The following AUH variants were observed in gnomAD, a reference collection of about 807,000 sequenced individuals.
AUH encodes the protein AU RNA binding methylglutaconyl-CoA hydratase, also known as methylglutaconyl-CoA hydratase, mitochondrial.
In AUH, 29 loss-of-function variants were observed where a neutral mutation model predicts 42.3. The ratio of observed to expected loss-of-function variants is 0.69; its 90% CI spans 0.51 to 0.93. The LOEUF (loss-of-function observed/expected upper bound fraction) is 0.93. Ranked by LOEUF, AUH falls within the 40% of genes least tolerant of loss-of-function variation. The probability of loss-of-function intolerance (pLI) is 0.00; values close to 1 mark genes in which losing one functional copy is unlikely to be tolerated. For missense variants in AUH, 452 were observed against 438.1 expected (o/e 1.03, Z -0.28); for synonymous variants, 174 against 166.4 (o/e 1.05, Z -0.35).
At chr9:91,248,704 A>T (rs972390899) in intron 6 of AUH, among the ~76,000 whole-genome samples, 22 of 152,196 alleles carry the variant, frequency 1.4e-4, no homozygotes, top group African/African-American at 5.1e-4. Flanking sequence ...TGGTTCCTGG[A>T]AACTGGGACT....
chr9:91,358,347 C>T (rs1016267302), intron 1 of AUH, among the ~76,000 whole-genome samples: 2 of 152,160 alleles, frequency 1.3e-5, no homozygotes, highest in Non-Finnish European at 2.9e-5. Flanking sequence ...GTTGATACAA[C>T]GTCCAAGGGC....
chr9:91,235,969 G>A (rs1026052414), intron 6 of AUH, among the ~76,000 whole-genome samples: 1 of 152,186 alleles, frequency 6.6e-6, no homozygotes, highest in Non-Finnish European at 1.5e-5. Context: ...CAATCCTGAA[G>A]ACGCCTTACT....
intron 6 of AUH, among the ~76,000 whole-genome samples, chr9:91,234,226 T>G (rs1430020497): frequency 2.6e-5 from 4 of 152,160 alleles, no homozygotes; most frequent in African/African-American, 9.7e-5. Flanking sequence ...CAGAGCTGCC[T>G]CCTCTGCCCT....
intron 6 of AUH, among the ~76,000 whole-genome samples, chr9:91,292,598 T>C (rs1827002230): frequency 6.6e-6 from 1 of 151,860 alleles, no homozygotes; most frequent in African/African-American, 2.4e-5. Context: ...CTTCTTCCAC[T>C]TGGGGTTTCA....
chr9:91,304,328 A>G (rs1183789786), intron 4 of AUH, among the ~76,000 whole-genome samples: 1 of 152,216 alleles, frequency 6.6e-6, no homozygotes, highest in African/African-American at 2.4e-5. Flanking sequence ...TACTAGGAAA[A>G]AAAGAGAAAA....
chr9:91,295,499 T>C (rs1024203030), intron 6 of AUH, among the ~76,000 whole-genome samples: 1 of 152,154 alleles, frequency 6.6e-6, no homozygotes, highest in Non-Finnish European at 1.5e-5. Flanking sequence ...GAGAAATCTC[T>C]TGTGAAAGGA....
At chr9:91,332,961 G>C (rs1186153230) in intron 3 of AUH, among the ~76,000 whole-genome samples, 2 of 152,164 alleles carry the variant, frequency 1.3e-5, no homozygotes, top group Non-Finnish European at 1.5e-5. Context: ...TCTCTTATCA[G>C]GAAAGAACGC....
intron 7 of AUH, 31 bp from the exon 8 acceptor site, chr9:91,217,358 A>G: frequency 1.9e-6 from 3 of 1,594,482 alleles, no homozygotes; most frequent in Non-Finnish European, 2.6e-6. Flanking sequence ...ACAGACTTCA[A>G]TTATTTTTTA....
At chr9:91,316,566 T>C (rs894489276) in intron 4 of AUH, among the ~76,000 whole-genome samples, 2 of 152,202 alleles carry the variant, frequency 1.3e-5, no homozygotes, top group African/African-American at 4.8e-5. Flanking sequence ...CTTAAGAATT[T>C]TTGGCTAATC....
chr9:91,294,716 A>G (rs772931691), intron 6 of AUH: 1 of 456,050 alleles, frequency 2.2e-6, no homozygotes, highest in South Asian at 1.5e-5. Flanking sequence ...CAGAATATCA[A>G]TATTAACAGG....
chr9:91,308,761 A>G (rs983820295), intron 4 of AUH, among the ~76,000 whole-genome samples: 1 of 152,092 alleles, frequency 6.6e-6, no homozygotes, highest in African/African-American at 2.4e-5. Context: ...AAATTCTGCA[A>G]ACTTTGAAAA....
At chr9:91,239,134 G>A (rs1220865633) in intron 6 of AUH, among the ~76,000 whole-genome samples, 1 of 150,438 alleles carries the variant, frequency 6.6e-6, no homozygotes, top group Non-Finnish European at 1.5e-5. Flanking sequence ...TTTAACGGTG[G>A]AAAACCCAAG....
At chr9:91,296,407 A>G (rs1827336461) in intron 5 of AUH, among the ~76,000 whole-genome samples, 1 of 152,242 alleles carries the variant, frequency 6.6e-6, no homozygotes, top group South Asian at 2.1e-4. Context: ...ATTCAGGATC[A>G]GCAGACTTGT....
chr9:91,316,352 A>G (rs954987759), intron 4 of AUH, among the ~76,000 whole-genome samples: 1 of 152,144 alleles, frequency 6.6e-6, no homozygotes, highest in African/African-American at 2.4e-5. Flanking sequence ...CTACAGGTCC[A>G]ATAAAAACAG....
chr9:91,278,723 G>A (rs1393618094), intron 6 of AUH, among the ~76,000 whole-genome samples: 3 of 152,124 alleles, frequency 2.0e-5, no homozygotes, highest in Admixed American at 6.5e-5. Flanking sequence ...AGCCAAGATA[G>A]GGTAGCAAAG....
At chr9:91,285,616 T>C (rs1348087866) in intron 6 of AUH, among the ~76,000 whole-genome samples, 1 of 152,074 alleles carries the variant, frequency 6.6e-6, no homozygotes, top group Non-Finnish European at 1.5e-5. Context: ...CCTAACAGAT[T>C]TTAGGTGATC....
chr9:91,261,426 T>C (rs1393499037), intron 6 of AUH, among the ~76,000 whole-genome samples: 1 of 152,230 alleles, frequency 6.6e-6, no homozygotes, highest in African/African-American at 2.4e-5. Context: ...TAATCTGCTA[T>C]TCAGAATTTT....
At chr9:91,331,003 G>C (rs1412909380) in intron 3 of AUH, among the ~76,000 whole-genome samples, 2 of 152,096 alleles carry the variant, frequency 1.3e-5, no homozygotes, top group Non-Finnish European at 2.9e-5. Flanking sequence ...GCAATTTTCT[G>C]TATGTCCACA....
chr9:91,270,673 T>C (rs1825047938), intron 6 of AUH, among the ~76,000 whole-genome samples: 1 of 152,006 alleles, frequency 6.6e-6, no homozygotes, highest in Non-Finnish European at 1.5e-5. Context: ...CTGACTGTGA[T>C]CAAAATGAAT....
Sources: gnomAD v4.1 joint callset for allele counts (sites outside exome capture counted in the v4.1 genomes callset) on GRCh38, gnomAD v4.1.1 for gene constraint, MANE v1.5 for transcripts, NCBI Gene and HGNC (gene_info 2026-07-23, HGNC 2026-07-21) for gene names.